The following CYRIA variants were observed in gnomAD, a reference collection of about 807,000 sequenced individuals.
CYRIA encodes the protein CYFIP-related Rac1 interactor A.
CYRIA carries 15 observed loss-of-function variants against 43.9 expected under a neutral mutation model. That is an observed-to-expected ratio of 0.34 (90% CI 0.23 to 0.53). CYRIA has a LOEUF of 0.53. Among genes scored for constraint, CYRIA ranks in the 20% least tolerant of loss-of-function variants. The pLI is 0.94. For missense variants in CYRIA, 236 were observed against 394.2 expected (o/e 0.60, Z 3.40); for synonymous variants, 117 against 136.0 (o/e 0.86, Z 0.97).
chr2:16,554,021 A>G (rs530854162), intron 11 of CYRIA, among the ~76,000 whole-genome samples: 208 of 152,268 alleles, frequency 1.4e-3, no homozygotes, highest in Non-Finnish European at 2.2e-3. Context: ...GCAAAACAGC[A>G]TCAACCTCAG....
chr2:16,555,097 T>C lies in CYRIA; in HGVS notation c.880A>G (p.Ser294Gly). The stretch of plus-strand genomic sequence containing the variant: ...AGGGCATTTAGCAGCCCCTCCACAC[T>C]GTCTGGGGCCTGCTCCTTCAAAACT... ...IKVLKEQAPD[S>G]VEGLLNALRF... Residue 294 changes from serine to glycine, a missense_variant, in exon 11 of 12, where the codon AGT becomes GGT. By Grantham distance (56) the Ser-to-Gly change is moderately conservative (BLOSUM62 0). This residue lies in a region of CYRIA where 40 missense variants were observed against 62.2 expected (regional missense o/e 0.64). Coordinates refer to ENST00000381323, the MANE Select transcript of CYRIA (RefSeq NM_030797.4). The C allele has an allele frequency of 6.2e-7, 1 of 1,613,302 alleles. No individual in the cohort carries two copies. The highest frequency in any genetic ancestry group is 8.5e-7 in the Non-Finnish European group (1 of 1,179,602).
At chr2:16,621,250 A>C (rs1558430991) in intron 2 of CYRIA, among the ~76,000 whole-genome samples, 1 of 152,226 alleles carries the variant, frequency 6.6e-6, no homozygotes, top group Non-Finnish European at 1.5e-5. Flanking sequence ...GAGAACAGGT[A>C]AAAGTGACCT....
intron 2 of CYRIA, among the ~76,000 whole-genome samples, chr2:16,616,425 C>T (rs1668794747): frequency 6.6e-6 from 1 of 152,200 alleles, no homozygotes; most frequent in Non-Finnish European, 1.5e-5. Context: ...CCTTCCCTGG[C>T]TCCCCCGGGC....
intron 3 of CYRIA, among the ~76,000 whole-genome samples, chr2:16,587,014 A>G (rs1667750992): frequency 6.6e-6 from 1 of 152,166 alleles, no homozygotes. Context: ...ATCAAAAAAT[A>G]AGAAAAAATC....
Position 16,552,810 on chromosome 2 carries a change from A to G in CYRIA, c.*126T>C. The G allele has an allele frequency of 1.5e-6, 1 of 666,918 alleles. No individual in the cohort carries two copies. The highest frequency in any genetic ancestry group is 2.3e-5 in the Admixed American group (1 of 43,430). The allele number at this position is 666,918 out of a possible 1,614,324, so 41.3% of individuals were successfully genotyped here. On this transcript the variant is annotated 3_prime_UTR_variant, in exon 12 of 12. Coordinates refer to ENST00000381323, the MANE Select transcript of CYRIA (RefSeq NM_030797.4). The stretch of plus-strand genomic sequence containing the variant: ...AGTCAGGATACAAATTAAGGTCCAT[A>G]TATTTCAGTGACAAGAAGGAAACGG...
intron 2 of CYRIA, among the ~76,000 whole-genome samples, chr2:16,618,990 C>T (rs992780016): frequency 6.6e-6 from 1 of 152,158 alleles, no homozygotes; most frequent in African/African-American, 2.4e-5. Flanking sequence ...AAAGAGGGGA[C>T]AATTAGACAA....
intron 1 of CYRIA, among the ~76,000 whole-genome samples, chr2:16,631,079 A>T (rs539047951): frequency 7.0e-4 from 107 of 152,348 alleles, no homozygotes; most frequent in African/African-American, 2.5e-3. Flanking sequence ...TTAGTCAGTC[A>T]CTACTGTCAG....
At chr2:16,562,166 T>C (rs746512351) in intron 5 of CYRIA, 25 bp from the exon 6 acceptor site, 54 of 1,601,856 alleles carry the variant, frequency 3.4e-5, no homozygotes, top group Non-Finnish European at 4.1e-5. Context: ...GATAAATAGA[T>C]ATGTTGGAGG....
chr2:16,655,171 C>A (rs879664666), intron 1 of CYRIA, among the ~76,000 whole-genome samples: 28 of 152,286 alleles, frequency 1.8e-4, no homozygotes, highest in Middle Eastern at 3.4e-3. Flanking sequence ...AAGAGGAAAC[C>A]CCAATTCAGA....
At chr2:16,600,005 C>T (rs1231135042) in intron 2 of CYRIA, among the ~76,000 whole-genome samples, 2 of 152,324 alleles carry the variant, frequency 1.3e-5, no homozygotes, top group East Asian at 3.9e-4. Context: ...ATCCACCCGC[C>T]TCGGTCTCCC....
intron 3 of CYRIA, among the ~76,000 whole-genome samples, chr2:16,568,407 C>T (rs1367587722): frequency 6.6e-6 from 1 of 152,068 alleles, no homozygotes; most frequent in Non-Finnish European, 1.5e-5. Flanking sequence ...TTGTATTTTA[C>T]CTTTTTCTGC....
intron 1 of CYRIA, among the ~76,000 whole-genome samples, chr2:16,631,352 C>A (rs1342415830): frequency 6.6e-6 from 1 of 152,106 alleles, no homozygotes; most frequent in African/African-American, 2.4e-5. Flanking sequence ...AGTGAATAGC[C>A]CAGCGTAGCT....
intron 4 of CYRIA, 107 bp from the exon 5 acceptor site, chr2:16,564,201 G>A (rs1666847354): frequency 1.2e-6 from 1 of 804,910 alleles, no homozygotes; most frequent in Non-Finnish European, 2.0e-6. Context: ...CTTTGCTGAT[G>A]TATACTACTT....
intron 3 of CYRIA, 29 bp from the exon 4 acceptor site, chr2:16,565,796 G>C: frequency 6.6e-7 from 1 of 1,518,682 alleles, no homozygotes; most frequent in Non-Finnish European, 9.0e-7. Context: ...GAGAGACAGA[G>C]TGCTGGTGTT....
rs912901282 is a variant in CYRIA, at chr2:16,578,974, A to T, written c.70+9076T>A. Among the ~76,000 whole-genome samples, 13 of 152,164 alleles carry T rather than the reference A, an allele frequency of 8.5e-5. 1 individual carries two copies. Among genetic ancestry groups the T allele is most frequent in the African/African-American group, 3.1e-4 (13 of 41,452 alleles). On this transcript the variant is annotated intron_variant, in intron 3 of 11. Coordinates refer to ENST00000381323, the MANE Select transcript of CYRIA (RefSeq NM_030797.4). ...AAACATACCCAGGCACATCATAGTGAAACTACTACAAAACAAAAATAAAGA... is the reference window on the plus strand; with the variant it reads ...AAACATACCCAGGCACATCATAGTGTAACTACTACAAAACAAAAATAAAGA...
intron 2 of CYRIA, among the ~76,000 whole-genome samples, chr2:16,620,960 G>C (rs11885297): frequency 0.017 from 2,517 of 152,244 alleles, 56 homozygotes; most frequent in African/African-American, 0.055. Flanking sequence ...AAGCTTCCAT[G>C]GTTCCACCCC....
chr2:16,618,629 C>A (rs944166124), intron 2 of CYRIA, among the ~76,000 whole-genome samples: 1 of 152,162 alleles, frequency 6.6e-6, no homozygotes, highest in African/African-American at 2.4e-5. Context: ...CACCCCAAAG[C>A]CCCTCGCTGT....
intron 1 of CYRIA, among the ~76,000 whole-genome samples, chr2:16,665,408 T>G: frequency 6.7e-6 from 1 of 148,522 alleles, no homozygotes; most frequent in Non-Finnish European, 1.5e-5. Flanking sequence ...GGGCCTCGGG[T>G]GGTGGGAAGG....
rs911966904 is a variant in CYRIA, at chr2:16,639,102, G to A, written c.-166-15083C>T. Among the ~76,000 whole-genome samples, 9 of 152,288 alleles carry A rather than the reference G, an allele frequency of 5.9e-5. No individual in the cohort carries two copies. The East Asian group carries it at 7.7e-4, about 13-fold the overall frequency. On this transcript the variant is annotated intron_variant, in intron 1 of 11. Coordinates refer to ENST00000381323, the MANE Select transcript of CYRIA (RefSeq NM_030797.4). ...GGAGGGAGAGTATGAAGCATGGAGC[G>A]GAGAAAGCCACTTCCTGCAGCTGTC...
Sources: gnomAD v4.1 joint callset for allele counts (sites outside exome capture counted in the v4.1 genomes callset) on GRCh38, gnomAD v4.1.1 for gene constraint, gnomAD v4.1.1 regional missense constraint, MANE v1.5 for transcripts, NCBI Gene and HGNC (gene_info 2026-07-23, HGNC 2026-07-21) for gene names.